PRKAG2: variants seen among roughly 807,000 people sequenced by gnomAD.
PRKAG2 encodes 5'-AMP-activated protein kinase subunit gamma-2.
PRKAG2 carries 26 observed loss-of-function variants against 69.6 expected under a neutral mutation model. That is an observed-to-expected ratio of 0.37 (90% CI 0.27 to 0.52). The LOEUF (loss-of-function observed/expected upper bound fraction) is 0.52. Among genes scored for constraint, PRKAG2 ranks in the 20% least tolerant of loss-of-function variants. The pLI, the probability that PRKAG2 is intolerant of heterozygous loss-of-function variation, is 0.90. For synonymous variants in PRKAG2, 293 were observed against 285.0 expected (o/e 1.03, Z -0.28); for missense variants, 557 against 740.0 (o/e 0.75, Z 2.87).
chr7:151,785,750 C>T (rs1038463690), intron 2 of PRKAG2, among the ~76,000 whole-genome samples: 3 of 152,144 alleles, frequency 2.0e-5, no homozygotes, highest in Admixed American at 6.5e-5. Context: ...CTCCACCCAC[C>T]CTTACTTCCT....
intron 1 of PRKAG2, among the ~76,000 whole-genome samples, chr7:151,830,613 C>A (rs542187932): frequency 1.3e-5 from 2 of 151,880 alleles, no homozygotes; most frequent in Admixed American, 1.3e-4. Context: ...TGTGCCTCCC[C>A]GGCCCTCCCG....
At chr7:151,760,454 G>C (rs572954889) in intron 3 of PRKAG2, among the ~76,000 whole-genome samples, 3 of 152,092 alleles carry the variant, frequency 2.0e-5, no homozygotes, top group African/African-American at 7.2e-5. Context: ...GGCTGGTCTC[G>C]AACTCATTAT....
At chr7:151,703,845 A>AACACACACACACACACACACAC (rs535818189) in intron 3 of PRKAG2, among the ~76,000 whole-genome samples, 5 of 88,542 alleles carry the variant, frequency 5.6e-5, no homozygotes, top group East Asian at 7.0e-4. Context: ...TTTACTGGAA[A>AACACACACACACACACACACAC]ACACACACAC....
At chr7:151,691,662 A>G (rs973048907) in intron 3 of PRKAG2, among the ~76,000 whole-genome samples, 1 of 152,236 alleles carries the variant, frequency 6.6e-6, no homozygotes. Flanking sequence ...AAACCTGACA[A>G]TACTAAGTGC....
intron 3 of PRKAG2, among the ~76,000 whole-genome samples, chr7:151,745,521 C>G (rs1338647819): frequency 6.6e-6 from 1 of 152,148 alleles, no homozygotes; most frequent in Admixed American, 6.5e-5. Flanking sequence ...CACTCATGGT[C>G]ATGCACAGCC....
chr7:151,837,994 G>A (rs1204015087), intron 1 of PRKAG2, among the ~76,000 whole-genome samples: 1 of 152,008 alleles, frequency 6.6e-6, no homozygotes, highest in Non-Finnish European at 1.5e-5. Context: ...GGACCCTGGA[G>A]GAGGCCACAC....
intron 5 of PRKAG2, among the ~76,000 whole-genome samples, chr7:151,608,185 C>T (rs1817964093): frequency 6.6e-6 from 1 of 152,134 alleles, no homozygotes; most frequent in Non-Finnish European, 1.5e-5. Context: ...CCAGAAGGAA[C>T]CACCCCTGCT....
Position 151,814,773 on chromosome 7 carries a change from T to G in PRKAG2, c.115-28232A>C. 1 of 1,231,786 alleles carries G rather than the reference T, an allele frequency of 8.1e-7. No individual in the cohort carries two copies. The highest frequency in any genetic ancestry group is 1.5e-5 in the African/African-American group (1 of 64,546). The allele number at this position is 1,231,786 out of a possible 1,614,324, so 76.3% of individuals were successfully genotyped here. ...GTCTTGGTGGCTGGAGCTGCTTTGC[T>G]GCTCAAAATGCAGGCAGAGCTCGGG... On this transcript the variant is annotated intron_variant, in intron 1 of 15. Coordinates refer to ENST00000287878, the MANE Select transcript of PRKAG2 (RefSeq NM_016203.4). This position sits in a 1 kb window ranked among gnomAD's most constrained non-coding sequence, Gnocchi z 4.8.
chr7:151,811,986 A>T (rs1472073344), intron 1 of PRKAG2, among the ~76,000 whole-genome samples: 1 of 152,224 alleles, frequency 6.6e-6, no homozygotes, highest in Non-Finnish European at 1.5e-5. Flanking sequence ...TGTAAAAGGG[A>T]AATCTCCCAG....
intron 4 of PRKAG2, among the ~76,000 whole-genome samples, chr7:151,665,093 A>C (rs1348145158): frequency 6.6e-6 from 1 of 152,176 alleles, no homozygotes; most frequent in African/African-American, 2.4e-5. Context: ...AAGAGGCAGG[A>C]TGCACCCTTC....
chr7:151,766,100 CTG>C (rs1252780519), intron 3 of PRKAG2, among the ~76,000 whole-genome samples: 1 of 152,224 alleles, frequency 6.6e-6, no homozygotes, highest in Non-Finnish European at 1.5e-5. Flanking sequence ...ATCTGTGACA[CTG>C]TGTGAATGGG....
At chr7:151,639,526 G>A (rs928962103) in intron 4 of PRKAG2, among the ~76,000 whole-genome samples, 7 of 152,140 alleles carry the variant, frequency 4.6e-5, no homozygotes, top group Non-Finnish European at 7.4e-5. Flanking sequence ...GTGGGCGGGC[G>A]CCATCTAATT....
chr7:151,579,439 T>C (rs748484970), intron 6 of PRKAG2, among the ~76,000 whole-genome samples: 4 of 152,160 alleles, frequency 2.6e-5, no homozygotes, highest in African/African-American at 7.2e-5. Flanking sequence ...TAAGTAGCCA[T>C]AGCTATTGAA....
intron 5 of PRKAG2, among the ~76,000 whole-genome samples, chr7:151,599,785 CA>C (rs1419385287): frequency 6.6e-6 from 1 of 152,208 alleles, no homozygotes; most frequent in Admixed American, 6.5e-5. Flanking sequence ...CATTTCCTAA[CA>C]GGCCAGGGAA....
intron 5 of PRKAG2, among the ~76,000 whole-genome samples, chr7:151,611,776 G>A (rs891482542): frequency 6.6e-5 from 10 of 152,274 alleles, no homozygotes; most frequent in African/African-American, 2.4e-4. Flanking sequence ...GTCTCGGGCC[G>A]GGCACGGTGG....
Position 151,876,584 on chromosome 7 carries a change from CT to C in PRKAG2, c.36del (p.Asp13MetfsTer28). 6.2e-7 allele frequency: 1 copy of C among 1,610,310 alleles called. No homozygotes were observed. ...GSAVMDTKKK[K>X]DVSSPGGSGG... ...CCGCTCCCGCCGGGGCTGGAAACATCTTTTTTCTTCTTGGTGTCCATAACCG... is the reference window on the plus strand; with the variant it reads ...CCGCTCCCGCCGGGGCTGGAAACATCTTTTTCTTCTTGGTGTCCATAACCG... On this transcript the variant is annotated frameshift_variant, in exon 1 of 16. Coordinates refer to ENST00000287878, the MANE Select transcript of PRKAG2 (RefSeq NM_016203.4). LOFTEE classifies it high-confidence loss of function.
Position 151,572,967 on chromosome 7 carries a change from G to A in PRKAG2, c.1006-258C>T, listed in dbSNP as rs187639592. Among the ~76,000 whole-genome samples, 6 of 152,072 alleles carry A rather than the reference G, an allele frequency of 3.9e-5. No individual in the cohort carries two copies. In the East Asian group the frequency reaches 1.2e-3, roughly 29 times the overall value. The stretch of plus-strand genomic sequence containing the variant: ...ATCTGTACTAAAAATACAAAAATTA[G>A]CCAGGCATATTGGTGGGTGCCTGTA... On this transcript the variant is annotated intron_variant, in intron 8 of 15. Transcript: ENST00000287878.
intron 7 of PRKAG2, among the ~76,000 whole-genome samples, chr7:151,575,667 C>T (rs907157946): frequency 3.3e-5 from 5 of 152,088 alleles, no homozygotes; most frequent in East Asian, 1.9e-4. Context: ...TGTGCACTAG[C>T]GAGATGAGTG....
chr7:151,650,110 A>C (rs936951254), intron 4 of PRKAG2, among the ~76,000 whole-genome samples: 3 of 152,102 alleles, frequency 2.0e-5, no homozygotes, highest in Non-Finnish European at 4.4e-5. Flanking sequence ...AGTCCCAGCT[A>C]CTCAGGAGCC....
Sources: allele counts gnomAD v4.1 joint callset (sites outside exome capture counted in the v4.1 genomes callset), GRCh38; gene constraint gnomAD v4.1.1; non-coding constraint Gnocchi (gnomAD v3.1); transcripts MANE v1.5; gene names NCBI Gene and HGNC (gene_info 2026-07-23, HGNC 2026-07-21).